Variants in C10orf67 observed in about 807,000 individuals in gnomAD.
C10orf67 encodes chromosome 10 open reading frame 67.
A neutral mutation model predicts 35.6 loss-of-function variants in C10orf67; 60 were observed. That is an observed-to-expected ratio of 1.68 (90% CI 1.37 to 2.09). The LOEUF is 2.09. C10orf67 is among the 30% of genes most tolerant of loss of function. C10orf67 has a pLI of 0.00. For synonymous variants in C10orf67, 167 were observed against 115.8 expected, an observed-to-expected ratio of 1.44 and a Z score of -2.84; for missense variants, 474 against 330.2, an observed-to-expected ratio of 1.44 and a Z score of -3.38.
In C10orf67 at chr10:23,267,183, T is replaced by A; in HGVS notation, c.1035+12A>T. 1 of 706,914 alleles carries A rather than the reference T, an allele frequency of 1.4e-6. No individual in the cohort carries two copies. The highest frequency in any genetic ancestry group is 2.1e-5 in the Admixed American group (1 of 47,084). 43.8% of individuals were successfully genotyped at this position (706,914 alleles called of 1,614,324 possible). A position where few individuals can be genotyped will look rare whatever the true frequency, so the allele number is the denominator to read the frequency against. On this transcript the variant is annotated intron_variant, in intron 9 of 15. Coordinates refer to ENST00000636213, the MANE Select transcript of C10orf67 (RefSeq NM_001371909.1). The stretch of plus-strand genomic sequence containing the variant: ...AAAGAGAAAGAGAGAGAGAAAAAAC[T>A]TAAATACAAACCTTTACACTTAAGC...
chr10:23,279,367 G>C (rs909464068), intron 8 of C10orf67, among the ~76,000 whole-genome samples: 1 of 152,238 alleles, frequency 6.6e-6, no homozygotes, highest in Non-Finnish European at 1.5e-5. Context: ...GGAAACATCT[G>C]TTTCCTAACT....
chr10:23,313,099 C>T lies in C10orf67; in HGVS notation c.546+7642G>A, dbSNP rs559838658. Among the ~76,000 whole-genome samples, 7 of 152,322 alleles carry T rather than the reference C, an allele frequency of 4.6e-5. No individual in the cohort carries two copies. In the South Asian group the frequency reaches 6.2e-4, roughly 14 times the overall value. On this transcript the variant is annotated intron_variant, in intron 4 of 15. Coordinates refer to ENST00000636213, the MANE Select transcript of C10orf67 (RefSeq NM_001371909.1). ...CCATCTCCCCCAAATATTCATTGTC[C>T]TTCAGGGCTCAGCATAGGAATCACC...
chr10:23,224,757 C>A (rs182188465), intron 13 of C10orf67, among the ~76,000 whole-genome samples: 1 of 152,018 alleles, frequency 6.6e-6, no homozygotes, highest in East Asian at 1.9e-4. Context: ...CCGATTCGAT[C>A]AAATGGAAGA....
intron 13 of C10orf67, 63 bp downstream of exon 13, chr10:23,239,666 C>A: frequency 1.7e-6 from 1 of 600,656 alleles, no homozygotes; most frequent in Non-Finnish European, 3.3e-6. Context: ...TAAACGAGAA[C>A]AGAAAGAAAC....
At chr10:23,301,010 G>T (rs189302549) in intron 5 of C10orf67, among the ~76,000 whole-genome samples, 3 of 152,312 alleles carry the variant, frequency 2.0e-5, no homozygotes, top group Admixed American at 6.5e-5. Flanking sequence ...AGCCATCAGG[G>T]TTATCTGAGA....
intron 13 of C10orf67, among the ~76,000 whole-genome samples, chr10:23,228,267 G>A (rs1279164830): frequency 1.3e-5 from 2 of 152,082 alleles, no homozygotes; most frequent in Admixed American, 1.3e-4. Flanking sequence ...ACAGAATAGA[G>A]CCCTCAGAAA....
chr10:23,273,333 C>A (rs1843084043), intron 8 of C10orf67, among the ~76,000 whole-genome samples: 1 of 152,216 alleles, frequency 6.6e-6, no homozygotes, highest in African/African-American at 2.4e-5. Flanking sequence ...TATCGCCTAT[C>A]AGCTTGAGAG....
At chr10:23,314,815 G>C (rs1844638163) in intron 4 of C10orf67, among the ~76,000 whole-genome samples, 1 of 152,062 alleles carries the variant, frequency 6.6e-6, no homozygotes, top group Non-Finnish European at 1.5e-5. Flanking sequence ...AGAGACTCTA[G>C]CAAGACAGAT....
intron 1 of C10orf67, among the ~76,000 whole-genome samples, chr10:23,336,463 G>A (rs1237576578): frequency 6.6e-6 from 1 of 152,138 alleles, no homozygotes; most frequent in Admixed American, 6.5e-5. Context: ...CTCCAGTAGT[G>A]ATGAGCACAT....
At chr10:23,325,681 T>TAA (rs5783837) in intron 2 of C10orf67, among the ~76,000 whole-genome samples, 6,305 of 145,016 alleles carry the variant, frequency 0.043, 144 homozygotes, top group Admixed American at 0.06. Flanking sequence ...ATTATATATA[T>TAA]AAAAAAAAAA....
chr10:23,287,846 C>T (rs1023695151), intron 7 of C10orf67, among the ~76,000 whole-genome samples: 8 of 152,044 alleles, frequency 5.3e-5, no homozygotes, highest in Non-Finnish European at 8.8e-5. Flanking sequence ...AAGACATTTA[C>T]GTGGCCAACA....
intron 4 of C10orf67, chr10:23,317,740 G>A (rs1564508719): frequency 6.6e-6 from 1 of 152,006 alleles, no homozygotes; most frequent in Admixed American, 6.6e-5. Flanking sequence ...ATATAAAACT[G>A]CTACAGATAA....
intron 5 of C10orf67, among the ~76,000 whole-genome samples, chr10:23,298,495 G>T (rs561176428): frequency 1.3e-5 from 2 of 152,106 alleles, no homozygotes; most frequent in African/African-American, 4.8e-5. Flanking sequence ...TCTGCTTCAG[G>T]TGTCCATCTT....
rs777025726 is a variant in C10orf67, at chr10:23,305,828, A to G, written c.547-2369T>C. Among the ~76,000 whole-genome samples, 8 of 152,210 alleles carry G rather than the reference A, an allele frequency of 5.3e-5. No homozygotes were observed. In the East Asian group the frequency reaches 1.2e-3, roughly 22 times the overall value. On this transcript the variant is annotated intron_variant, in intron 4 of 15. Transcript: ENST00000636213. Reference sequence around the variant, plus strand: ...TGATCCAGCTATCCTACTTCTGGGTATATATTCAAAGGAAATAAAATCATG... The same window carrying G: ...TGATCCAGCTATCCTACTTCTGGGTGTATATTCAAAGGAAATAAAATCATG...
intron 10 of C10orf67, among the ~76,000 whole-genome samples, chr10:23,260,084 G>A (rs1219486886): frequency 6.6e-6 from 1 of 152,050 alleles, no homozygotes; most frequent in Non-Finnish European, 1.5e-5. Context: ...AACAACCAAA[G>A]ATACTTTATT....
intron 15 of C10orf67, among the ~76,000 whole-genome samples, chr10:23,207,573 T>A (rs1841192597): frequency 6.6e-6 from 1 of 152,202 alleles, no homozygotes; most frequent in Non-Finnish European, 1.5e-5. Context: ...CAGTTCAAGT[T>A]CATCCAACAT....
chr10:23,284,110 G>T (rs1400171835), intron 7 of C10orf67, among the ~76,000 whole-genome samples: 2 of 106,474 alleles, frequency 1.9e-5, no homozygotes, highest in African/African-American at 6.7e-5. Flanking sequence ...GTGCATCCAG[G>T]GCTTAAAAAA....
chr10:23,322,825 C>G (rs1175537905), intron 2 of C10orf67, among the ~76,000 whole-genome samples: 1 of 151,270 alleles, frequency 6.6e-6, no homozygotes, highest in Non-Finnish European at 1.5e-5. Flanking sequence ...TACCCCTGAA[C>G]CTAAAAGTTA....
At chr10:23,289,427 C>A (rs1588657710) in intron 7 of C10orf67, among the ~76,000 whole-genome samples, 1 of 152,238 alleles carries the variant, frequency 6.6e-6, no homozygotes, top group Middle Eastern at 3.4e-3. Flanking sequence ...GCCTGCAAAG[C>A]TGCTAGGATT....
Sources: allele counts gnomAD v4.1 joint callset (sites outside exome capture counted in the v4.1 genomes callset), GRCh38; gene constraint gnomAD v4.1.1; transcripts MANE v1.5; gene names NCBI Gene and HGNC (gene_info 2026-07-23, HGNC 2026-07-21).